Variants in SNX16 observed in about 807,000 individuals in gnomAD.
SNX16 encodes sorting nexin 16, also known as sorting nexin-16.
A neutral mutation model predicts 36.7 loss-of-function variants in SNX16; 35 were observed. That is an observed-to-expected ratio of 0.95 (90% CI 0.73 to 1.27). SNX16 has a LOEUF of 1.27. SNX16 is among the 50% of genes most tolerant of loss of function. The probability of loss-of-function intolerance (pLI) is 0.00; values close to 1 mark genes in which losing one functional copy is unlikely to be tolerated. For missense variants in SNX16, 367 were observed against 393.6 expected, an observed-to-expected ratio of 0.93 and a Z score of 0.57; for synonymous variants, 134 against 132.0, an observed-to-expected ratio of 1.02 and a Z score of -0.10.
chr8:81,816,586 T>C (rs1343505216), intron 4 of SNX16, among the ~76,000 whole-genome samples: 1 of 152,192 alleles, frequency 6.6e-6, no homozygotes, highest in Non-Finnish European at 1.5e-5. Context: ...GACAGGTTGA[T>C]GATGTCAGGA....
At chr8:81,818,007 A>G (rs928330544) in intron 4 of SNX16, among the ~76,000 whole-genome samples, 1 of 152,130 alleles carries the variant, frequency 6.6e-6, no homozygotes, top group Non-Finnish European at 1.5e-5. Context: ...GGTATCCCTC[A>G]GCATTGTTTT....
intron 2 of SNX16, among the ~76,000 whole-genome samples, chr8:81,830,103 A>C (rs1811186542): frequency 1.3e-5 from 2 of 152,218 alleles, no homozygotes; most frequent in South Asian, 4.1e-4. Flanking sequence ...TCAGGATATA[A>C]AATCAATGTT....
intron 2 of SNX16, among the ~76,000 whole-genome samples, chr8:81,836,662 T>A (rs1800335861): frequency 1.3e-5 from 2 of 152,120 alleles, no homozygotes; most frequent in South Asian, 4.1e-4. Context: ...TCTCAGGACT[T>A]CCTCCACCAC....
chr8:81,804,803 A>C (rs1809858699), intron 5 of SNX16, among the ~76,000 whole-genome samples: 1 of 152,100 alleles, frequency 6.6e-6, no homozygotes, highest in African/African-American at 2.4e-5. Context: ...AATATCTGAC[A>C]GAATGCAGTT....
At chr8:81,826,568 C>T (rs1325914423) in intron 3 of SNX16, among the ~76,000 whole-genome samples, 1 of 152,068 alleles carries the variant, frequency 6.6e-6, no homozygotes, top group African/African-American at 2.4e-5. Context: ...CCCTAAAACC[C>T]CGCCTGGTTG....
chr8:81,802,459 C>T lies in SNX16; in HGVS notation c.859G>A (p.Glu287Lys), dbSNP rs1253525646. 6.2e-7 allele frequency: 1 copy of T among 1,609,720 alleles called. No homozygotes were observed. Among genetic ancestry groups the T allele is most frequent in the South Asian group, 1.1e-5 (1 of 90,772 alleles). Residue 287 changes from glutamate to lysine, a missense_variant, in exon 7 of 8, where the codon GAA becomes AAA. Physicochemically the swap from Glu to Lys is moderately conservative, Grantham distance 56 (BLOSUM62 1). Coordinates refer to ENST00000345957, the MANE Select transcript of SNX16 (RefSeq NM_152836.3). ...TTTAGGATCTGTTCACCTTCTGTTT[C>T]TGACACATCCAGTGATTCTTCAGGT... ...LEPEESLDVSETEGEQILKVE... is the reference protein window; with the variant it reads ...LEPEESLDVSKTEGEQILKVE...
chr8:81,840,392 ATTGG>A (rs1223583571), intron 1 of SNX16: 1 of 165,756 alleles, frequency 6.0e-6, no homozygotes, highest in Non-Finnish European at 1.3e-5. Flanking sequence ...TAGGAGAAAG[ATTGG>A]TAAAGACCCT....
intron 5 of SNX16, among the ~76,000 whole-genome samples, chr8:81,804,692 T>A (rs1809854053): frequency 6.6e-6 from 1 of 152,100 alleles, no homozygotes; most frequent in Non-Finnish European, 1.5e-5. Context: ...AGAACTATGA[T>A]GTTTAAAACA....
chr8:81,809,668 A>C (rs1033262009), intron 5 of SNX16, among the ~76,000 whole-genome samples: 1 of 152,244 alleles, frequency 6.6e-6, no homozygotes, highest in African/African-American at 2.4e-5. Flanking sequence ...ACAAAAATTA[A>C]AAGATTGACA....
Position 81,807,518 on chromosome 8 carries a change from C to CAAAAAAAAAAAA in SNX16, c.682-4302_682-4291dup, listed in dbSNP as rs71268027. Among the ~76,000 whole-genome samples the CAAAAAAAAAAAA allele has an allele frequency of 2.6e-4, 13 of 49,300 alleles. 1 individual carries two copies. Among genetic ancestry groups the CAAAAAAAAAAAA allele is most frequent in the Non-Finnish European group, 4.1e-4 (12 of 29,088 alleles). 32.3% of individuals were successfully genotyped at this position (49,300 alleles called of 152,430 possible). On this transcript the variant is annotated intron_variant, in intron 5 of 7. Coordinates refer to ENST00000345957, the MANE Select transcript of SNX16 (RefSeq NM_152836.3). ...TGGGTGACAGTTTGAGACTCTGTCT[C>CAAAAAAAAAAAA]AAAAAAAAAAAAAAAAAAAAAAAAA... is the stretch of plus-strand genomic sequence containing the variant.
chr8:81,802,965 G>A, intron 6 of SNX16, 127 bp downstream of exon 6: 1 of 807,698 alleles, frequency 1.2e-6, no homozygotes, highest in Non-Finnish European at 1.8e-6. Flanking sequence ...TCCCAATGAA[G>A]TATGCCAAAA....
rs560005206 is a variant in SNX16, at chr8:81,826,005, C to G, written c.463-2065G>C. ...TAATTTAAATTATAAAAACCATTTA[C>G]AATTTAAATGGTTAGATTTTTTTTT... On this transcript the variant is annotated intron_variant, in intron 3 of 7. Coordinates refer to ENST00000345957, the MANE Select transcript of SNX16 (RefSeq NM_152836.3). Among the ~76,000 whole-genome samples, 5 of 148,996 alleles carry G rather than the reference C, an allele frequency of 3.4e-5. No homozygotes were observed. The South Asian group carries it at 1.1e-3, about 33-fold the overall frequency.
At chr8:81,802,900 A>G (rs1809767329) in intron 6 of SNX16, among the ~76,000 whole-genome samples, 192 bp downstream of exon 6, 1 of 151,838 alleles carries the variant, frequency 6.6e-6, no homozygotes, top group African/African-American at 2.4e-5. Flanking sequence ...GATGTTTCCC[A>G]TCCTTCAATG....
chr8:81,804,408 C>A (rs1054441473), intron 5 of SNX16, among the ~76,000 whole-genome samples: 2 of 151,904 alleles, frequency 1.3e-5, no homozygotes, highest in African/African-American at 4.8e-5. Flanking sequence ...TGATGGCCAA[C>A]TTTGAGGAGG....
At position 81,799,681 on chromosome 8, in the gene SNX16, T is replaced by C. The variant is rs868566588; in HGVS notation, c.*1816A>G. 2.6e-5 allele frequency: 4 copies of C among 151,836 alleles called. No individual in the cohort carries two copies. The highest frequency in any genetic ancestry group is 2.0e-4 in the Admixed American group (3 of 15,254). The allele number at this position is 151,836 out of a possible 1,614,324, so 9.4% of individuals were successfully genotyped here. A position where few individuals can be genotyped will look rare whatever the true frequency, so the allele number is the denominator to read the frequency against. ...AAATTATAAATATAAATAATAGTGG[T>C]TTACCTAATTAACAGATTTTTTTCT... On this transcript the variant is annotated 3_prime_UTR_variant, in exon 8 of 8. Transcript: ENST00000345957.
Position 81,823,891 on chromosome 8 carries a change from C to T in SNX16, c.512G>A (p.Trp171Ter), listed in dbSNP as rs1275578923. ...GTCAGCATTGTAATTATCTTTAAAC[C>T]AGCGTTTTGGAGGAAGTGCTAGTCG... is the stretch of plus-strand genomic sequence containing the variant. ...GFRLALPPKR[W>*]FKDNYNADFL... The change falls in exon 4 of 8, where the codon TGG becomes TAG. Residue 171 changes from tryptophan to a stop codon, truncating the protein, a stop_gained. Coordinates refer to ENST00000345957, the MANE Select transcript of SNX16 (RefSeq NM_152836.3). LOFTEE classifies it high-confidence loss of function. 1.9e-6 allele frequency: 3 copies of T among 1,611,508 alleles called. No individual in the cohort carries two copies. The highest frequency in any genetic ancestry group is 2.7e-5 in the African/African-American group (2 of 74,798).
intron 5 of SNX16, among the ~76,000 whole-genome samples, chr8:81,803,761 T>TA (rs1399398529): frequency 6.6e-6 from 1 of 151,680 alleles, no homozygotes; most frequent in Non-Finnish European, 1.5e-5. Context: ...CAAAAAGTGA[T>TA]AGATTCAGGA....
In SNX16 at chr8:81,799,958, C is replaced by G; in HGVS notation, c.*1539G>C. The G allele has an allele frequency of 6.6e-6, 1 of 151,392 alleles. No homozygotes were observed. Among genetic ancestry groups the G allele is most frequent in the Non-Finnish European group, 1.5e-5 (1 of 67,664 alleles). The allele number at this position is 151,392 out of a possible 1,614,324, so 9.4% of individuals were successfully genotyped here. A position where few individuals can be genotyped will look rare whatever the true frequency, so the allele number is the denominator to read the frequency against. On this transcript the variant is annotated 3_prime_UTR_variant, in exon 8 of 8. Coordinates refer to ENST00000345957, the MANE Select transcript of SNX16 (RefSeq NM_152836.3). The stretch of plus-strand genomic sequence containing the variant: ...GTCTCTAAGGATAGCAAACATATTT[C>G]TGATACACATTGTGAAAAATGTTCT...
intron 3 of SNX16, among the ~76,000 whole-genome samples, chr8:81,828,869 A>G (rs1183505597): frequency 6.6e-6 from 1 of 152,174 alleles, no homozygotes; most frequent in African/African-American, 2.4e-5. Flanking sequence ...CTGGCTGACA[A>G]TCAGCCAGGA....
Sources: gnomAD v4.1 joint callset for allele counts (sites outside exome capture counted in the v4.1 genomes callset) on GRCh38, gnomAD v4.1.1 for gene constraint, MANE v1.5 for transcripts, NCBI Gene and HGNC (gene_info 2026-07-23, HGNC 2026-07-21) for gene names.